TEX10: variants seen among roughly 807,000 people sequenced by gnomAD.
The protein encoded by TEX10 is testis-expressed protein 10.
Under a neutral mutation model 104.4 loss-of-function variants are expected in TEX10, and 24 were observed. That is an observed-to-expected ratio of 0.23 (90% CI 0.17 to 0.32). The LOEUF is 0.32. Ranked by LOEUF, TEX10 falls within the 10% of genes least tolerant of loss-of-function variation. The pLI is 1.00. For synonymous variants in TEX10, 396 were observed against 393.4 expected, an observed-to-expected ratio of 1.01 and a Z score of -0.08; for missense variants, 921 against 1,083.9, an observed-to-expected ratio of 0.85 and a Z score of 2.11.
At chr9:100,306,937 CAA>C (rs1333787386) in intron 13 of TEX10, 1 of 152,154 alleles carries the variant, frequency 6.6e-6, no homozygotes, top group Admixed American at 6.5e-5. Flanking sequence ...CAGGAAATAA[CAA>C]ATAGCAATAC....
At chr9:100,326,524 G>A (rs74554546) in intron 8 of TEX10, 45 bp from the exon 9 acceptor site, 1 of 1,540,084 alleles carries the variant, frequency 6.5e-7, no homozygotes, top group Non-Finnish European at 8.8e-7. Context: ...TAAAAGACAT[G>A]CAAACCAGAG....
chr9:100,346,862 G>C lies in TEX10; in HGVS notation c.725C>G (p.Ser242Cys). ...SKFLQALADG[S>C]SRLRESEGLQ... is the part of the protein sequence containing the mutation. ...TCCTTCACTTTCTCTCAACCTACTG[G>C]ATCCATCTGCCAAGGCCTGAAGGAA... is the stretch of plus-strand genomic sequence containing the variant. Residue 242 changes from serine to cysteine, a missense_variant, in exon 3 of 15, where the codon TCC becomes TGC. Physicochemically the swap from Ser to Cys is moderately radical, Grantham distance 112 (BLOSUM62 -1). Around this residue, in one of 3 missense-constraint regions of TEX10, gnomAD observed 753 missense variants for 868.4 expected, o/e 0.87. Coordinates refer to ENST00000374902, the MANE Select transcript of TEX10 (RefSeq NM_017746.4). 6.2e-7 allele frequency: 1 copy of C among 1,614,066 alleles called. No homozygotes were observed. The highest frequency in any genetic ancestry group is 1.3e-5 in the African/African-American group (1 of 74,994).
At chr9:100,324,377 A>G (rs1834651376) in intron 9 of TEX10, among the ~76,000 whole-genome samples, 1 of 152,150 alleles carries the variant, frequency 6.6e-6, no homozygotes, top group African/African-American at 2.4e-5. Context: ...TGATGGTGCT[A>G]TGGGCTCAAG....
At chr9:100,342,072 A>G (rs1181966973) in intron 4 of TEX10, among the ~76,000 whole-genome samples, 2 of 152,272 alleles carry the variant, frequency 1.3e-5, no homozygotes, top group Non-Finnish European at 2.9e-5. Flanking sequence ...TCATTTGCAC[A>G]GGCCTTCCTG....
chr9:100,339,097 T>G (rs779008495), intron 5 of TEX10, among the ~76,000 whole-genome samples: 7 of 150,674 alleles, frequency 4.6e-5, no homozygotes, highest in Middle Eastern at 3.4e-3. Flanking sequence ...CTACTAAAAA[T>G]ACAAAAATTA....
chr9:100,350,053 A>G (rs1194979572), intron 1 of TEX10, among the ~76,000 whole-genome samples: 1 of 152,222 alleles, frequency 6.6e-6, no homozygotes, highest in Non-Finnish European at 1.5e-5. Context: ...GCATAAAAAG[A>G]AATATAATGT....
At chr9:100,313,432 T>C (rs1328487701) in intron 11 of TEX10, among the ~76,000 whole-genome samples, 1 of 151,396 alleles carries the variant, frequency 6.6e-6, no homozygotes, top group East Asian at 1.9e-4. Flanking sequence ...GGAGAATCGC[T>C]TGAACCCGGG....
At chr9:100,317,116 T>C (rs1834441947) in intron 11 of TEX10, among the ~76,000 whole-genome samples, 1 of 152,088 alleles carries the variant, frequency 6.6e-6, no homozygotes. Context: ...ACCAGTATCA[T>C]TTTTCACAAA....
chr9:100,332,233 T>C (rs1834880613), intron 5 of TEX10, among the ~76,000 whole-genome samples: 1 of 152,192 alleles, frequency 6.6e-6, no homozygotes, highest in African/African-American at 2.4e-5. Flanking sequence ...AGATGAAAAT[T>C]AAGAATCCTA....
Position 100,346,314 on chromosome 9 carries a change from A to C in TEX10, c.895T>G (p.Tyr299Asp). 6.2e-7 allele frequency: 1 copy of C among 1,610,102 alleles called. No individual in the cohort carries two copies. Residue 299 changes from tyrosine to aspartate, a missense_variant and splice_region_variant, in exon 4 of 15, where the codon TAT becomes GAT. This residue lies in a region of TEX10 where 753 missense variants were observed against 868.4 expected (regional missense o/e 0.87). Transcript: ENST00000374902. ...PNVSSQFRLRYLVGGLSGVDE... is the reference protein window; with the variant it reads ...PNVSSQFRLRDLVGGLSGVDE... ...ACACCACTCAGTCCTCCAACCAGAT[A>C]CCTAATAAGGGTAAGAAAGAAAAAA...
At chr9:100,331,627 C>A (rs144083136) in intron 5 of TEX10, among the ~76,000 whole-genome samples, 186 of 152,292 alleles carry the variant, frequency 1.2e-3, no homozygotes, top group Non-Finnish European at 2.0e-3. Context: ...CCCGGAACGA[C>A]AAATGAGCCT....
chr9:100,339,744 G>A (rs1358248319), intron 5 of TEX10, among the ~76,000 whole-genome samples: 5 of 151,358 alleles, frequency 3.3e-5, no homozygotes, highest in Admixed American at 3.3e-4. Flanking sequence ...TCTTACTTGA[G>A]GTAGACATTT....
intron 9 of TEX10, 69 bp from the exon 10 acceptor site, chr9:100,321,840 G>C: frequency 8.9e-7 from 1 of 1,127,472 alleles, no homozygotes. Context: ...AGGTAGCACA[G>C]TATATAACCA....
intron 11 of TEX10, among the ~76,000 whole-genome samples, chr9:100,311,000 G>GT (rs1766182492): frequency 6.6e-6 from 1 of 152,110 alleles, no homozygotes; most frequent in African/African-American, 2.4e-5. Context: ...AGACCACACA[G>GT]TAAGTCCTCT....
chr9:100,338,467 A>G (rs1835068206), intron 5 of TEX10, among the ~76,000 whole-genome samples: 1 of 152,074 alleles, frequency 6.6e-6, no homozygotes. Context: ...CCCTTCCTCC[A>G]AGCTTCTTCC....
chr9:100,308,472 T>A, intron 13 of TEX10, 28 bp downstream of exon 13: 1 of 1,555,442 alleles, frequency 6.4e-7, no homozygotes, highest in South Asian at 1.2e-5. Context: ...AGTAGGAAAA[T>A]TAAGGTTGAA....
Position 100,346,261 on chromosome 9 carries a change from G to A in TEX10, c.948C>T (p.Asn316=). 3 of 1,613,914 alleles carry A rather than the reference G, an allele frequency of 1.9e-6. No homozygotes were observed. Among genetic ancestry groups the A allele is most frequent in the South Asian group, 1.1e-5 (1 of 91,082 alleles). The change falls in exon 4 of 15, where the codon AAC becomes AAT. Residue 316 remains asparagine (N), a synonymous_variant. Coordinates refer to ENST00000374902, the MANE Select transcript of TEX10 (RefSeq NM_017746.4). ...GVDEGLSSTE[N]LKGFIEIIIP... is the part of the protein sequence containing the mutation. The stretch of plus-strand genomic sequence containing the variant: ...TTATTATCTCAATAAATCCTTTCAG[G>A]TTTTCAGTAGATGACAGGCCTTCAT...
intron 5 of TEX10, among the ~76,000 whole-genome samples, chr9:100,336,734 T>C (rs1835020092): frequency 6.6e-6 from 1 of 152,220 alleles, no homozygotes; most frequent in Admixed American, 6.5e-5. Context: ...TTGTTTTCCA[T>C]GAAACTAGTC....
chr9:100,333,585 C>G (rs7037122), intron 5 of TEX10, among the ~76,000 whole-genome samples: 20,794 of 149,204 alleles, frequency 0.14, 1,520 homozygotes, highest in African/African-American at 0.16. Flanking sequence ...GCGGGAGGAT[C>G]CCTTGAGCCC....
Sources: allele counts gnomAD v4.1 joint callset (sites outside exome capture counted in the v4.1 genomes callset), GRCh38; gene constraint gnomAD v4.1.1; regional missense constraint gnomAD v4.1.1; transcripts MANE v1.5; gene names NCBI Gene and HGNC (gene_info 2026-07-23, HGNC 2026-07-21).